Variants in ARHGEF3 observed in about 807,000 individuals in gnomAD.
ARHGEF3 encodes the protein Rho guanine nucleotide exchange factor 3, also known as 59.8 kDA protein.
Under a neutral mutation model 63.2 loss-of-function variants are expected in ARHGEF3, and 28 were observed. The ratio of observed to expected loss-of-function variants is 0.44; its 90% CI spans 0.33 to 0.61. The LOEUF is 0.61. ARHGEF3 is among the 20% of genes least tolerant of loss of function. ARHGEF3 has a pLI of 0.03. For missense variants in ARHGEF3, 533 were observed against 659.3 expected, an observed-to-expected ratio of 0.81 and a Z score of 2.10; for synonymous variants, 266 against 254.2, an observed-to-expected ratio of 1.05 and a Z score of -0.44.
intron 1 of ARHGEF3, among the ~76,000 whole-genome samples, chr3:57,056,735 G>T (rs1195372725): frequency 6.6e-6 from 1 of 151,918 alleles, no homozygotes; most frequent in African/African-American, 2.4e-5. Flanking sequence ...GCCTCATGTT[G>T]GGCATGGTCT....
At chr3:56,966,847 T>TAAA (rs1471527905) in intron 2 of ARHGEF3, among the ~76,000 whole-genome samples, 19 of 143,094 alleles carry the variant, frequency 1.3e-4, no homozygotes, top group Middle Eastern at 3.4e-3. Flanking sequence ...CTTTTTTTTT[T>TAAA]TAATTATTAT....
chr3:57,013,064 G>A (rs190637939), intron 2 of ARHGEF3, among the ~76,000 whole-genome samples: 3 of 152,178 alleles, frequency 2.0e-5, no homozygotes, highest in African/African-American at 2.4e-5. Context: ...GCCTGCCTGC[G>A]CCACACTCGA....
chr3:56,921,041 C>T (rs972097475), intron 3 of ARHGEF3, among the ~76,000 whole-genome samples: 25 of 117,874 alleles, frequency 2.1e-4, no homozygotes, highest in East Asian at 1.9e-3. Flanking sequence ...GGTGACAGAG[C>T]GAGACTCCAT....
At chr3:56,974,314 G>A (rs145453116) in intron 2 of ARHGEF3, among the ~76,000 whole-genome samples, 8 of 151,988 alleles carry the variant, frequency 5.3e-5, no homozygotes, top group Non-Finnish European at 1.0e-4. Flanking sequence ...TATAAATATC[G>A]AATTTTTCAT....
chr3:57,031,485 C>T (rs1703733070), intron 2 of ARHGEF3, among the ~76,000 whole-genome samples: 1 of 152,168 alleles, frequency 6.6e-6, no homozygotes, highest in African/African-American at 2.4e-5. Context: ...GTGGGAGATA[C>T]TATTATTATC....
At chr3:57,073,731 G>C in intron 1 of ARHGEF3, 1 of 1,614,194 alleles carries the variant, frequency 6.2e-7, no homozygotes. Flanking sequence ...GTCCACCTTA[G>C]AAAAGTCAGG....
intron 1 of ARHGEF3, chr3:57,073,962 A>G: frequency 6.2e-7 from 1 of 1,614,244 alleles, no homozygotes; most frequent in Non-Finnish European, 8.5e-7. Context: ...ACAAGCAGCC[A>G]TCTCTCTTGA....
chr3:56,997,493 C>T (rs6777892), intron 2 of ARHGEF3, among the ~76,000 whole-genome samples: 2 of 152,100 alleles, frequency 1.3e-5, no homozygotes, highest in Admixed American at 6.5e-5. Flanking sequence ...ACTCTGCCCC[C>T]CTAAGAGCTT....
intron 3 of ARHGEF3, among the ~76,000 whole-genome samples, chr3:56,886,024 G>T (rs973556229): frequency 2.6e-5 from 4 of 152,172 alleles, no homozygotes; most frequent in Non-Finnish European, 4.4e-5. Flanking sequence ...AGCAGTGAAT[G>T]AGCCAGGCAT....
Position 56,795,655 on chromosome 3 carries a change from C to CTCTTTTTTTTTTTTTTT in ARHGEF3, c.96+6047_96+6048insAAAAAAAAAAAAAAAGA, listed in dbSNP as rs57400467. On this transcript the variant is annotated intron_variant, in intron 1 of 9. Transcript: ENST00000296315. ...TTAACTTGTGACACAGTCTCTCTCTCTTTTTTTTTTTTGAAGATGGACTCT... is the reference window on the plus strand; with the variant it reads ...TTAACTTGTGACACAGTCTCTCTCTCTCTTTTTTTTTTTTTTTTTTTTTTTTTTTGAAGATGGACTCT... 2.3e-5 allele frequency among the ~76,000 whole-genome samples: 3 copies of CTCTTTTTTTTTTTTTTT among 130,566 alleles called. 1 individual carries two copies. Among genetic ancestry groups the CTCTTTTTTTTTTTTTTT allele is most frequent in the Non-Finnish European group, 3.2e-5 (2 of 62,204 alleles). 85.7% of individuals were successfully genotyped at this position (130,566 alleles called of 152,430 possible).
intron 3 of ARHGEF3, among the ~76,000 whole-genome samples, chr3:56,957,894 C>G (rs1280294071): frequency 2.0e-5 from 3 of 152,148 alleles, no homozygotes; most frequent in Non-Finnish European, 2.9e-5. Context: ...CACTTTAGCA[C>G]ACAGCAGGAC....
chr3:56,857,718 C>T (rs972231073), intron 4 of ARHGEF3, among the ~76,000 whole-genome samples: 6 of 152,138 alleles, frequency 3.9e-5, no homozygotes, highest in African/African-American at 7.2e-5. Flanking sequence ...TTTCCTTTTC[C>T]TTTTCTCTAA....
At chr3:56,905,798 T>C (rs1468633637) in intron 3 of ARHGEF3, among the ~76,000 whole-genome samples, 1 of 152,244 alleles carries the variant, frequency 6.6e-6, no homozygotes, top group African/African-American at 2.4e-5. Flanking sequence ...GATATTTTTC[T>C]AATAACATCA....
intron 2 of ARHGEF3, among the ~76,000 whole-genome samples, chr3:56,755,512 T>C (rs1175468117): frequency 6.6e-6 from 1 of 152,222 alleles, no homozygotes; most frequent in African/African-American, 2.4e-5. Flanking sequence ...GAGATAACAA[T>C]AGTGGATGGC....
intron 1 of ARHGEF3, among the ~76,000 whole-genome samples, chr3:57,068,906 G>C (rs1045357350): frequency 6.6e-6 from 1 of 151,462 alleles, no homozygotes; most frequent in African/African-American, 2.4e-5. Flanking sequence ...AATCTGCTAA[G>C]GCAAAAGATC....
intron 3 of ARHGEF3, among the ~76,000 whole-genome samples, chr3:56,934,525 G>A (rs1185854180): frequency 3.3e-5 from 5 of 152,342 alleles, no homozygotes; most frequent in Admixed American, 2.0e-4. Context: ...CTGGAGTTCC[G>A]GGTGGGTGTG....
intron 2 of ARHGEF3, among the ~76,000 whole-genome samples, chr3:57,002,314 G>A (rs1489500062): frequency 6.7e-6 from 1 of 149,736 alleles, no homozygotes; most frequent in African/African-American, 2.5e-5. Context: ...ATTGGAAGAT[G>A]GAATATGCAT....
At position 56,801,911 on chromosome 3, in the gene ARHGEF3, G is replaced by C; in HGVS notation, c.-113C>G. 4 of 1,538,242 alleles carry C rather than the reference G, an allele frequency of 2.6e-6. No homozygotes were observed. Among genetic ancestry groups the C allele is most frequent in the Non-Finnish European group, 3.5e-6 (4 of 1,143,294 alleles). ...GATGCCGGGCGGCGGCGGCGACACG[G>C]AGACCGACAGCCGGCTTCTAGCCGG... On this transcript the variant is annotated 5_prime_UTR_variant, in exon 1 of 10. Coordinates refer to ENST00000296315, the MANE Select transcript of ARHGEF3 (RefSeq NM_019555.3).
chr3:56,835,474 C>A (rs1296354818), intron 4 of ARHGEF3, among the ~76,000 whole-genome samples: 1 of 152,110 alleles, frequency 6.6e-6, no homozygotes, highest in African/African-American at 2.4e-5. Flanking sequence ...CCATGCCCAG[C>A]CTAACATTAG....
Sources: gnomAD v4.1 joint callset for allele counts (sites outside exome capture counted in the v4.1 genomes callset) on GRCh38, gnomAD v4.1.1 for gene constraint, MANE v1.5 for transcripts, NCBI Gene and HGNC (gene_info 2026-07-23, HGNC 2026-07-21) for gene names.